Variants in RNASET2 observed in about 807,000 individuals in gnomAD.
RNASET2 encodes ribonuclease 6.
Under a neutral mutation model 33.9 loss-of-function variants are expected in RNASET2, and 28 were observed. The ratio of observed to expected loss-of-function variants is 0.83; its 90% CI spans 0.61 to 1.13. The LOEUF is 1.13. Among genes scored for constraint, RNASET2 ranks in the 50% most tolerant of loss-of-function variants. RNASET2 has a pLI of 0.00. For missense variants in RNASET2, 330 were observed against 319.9 expected (o/e 1.03, Z -0.24); for synonymous variants, 123 against 121.0 (o/e 1.02, Z -0.11).
Position 166,929,700 on chromosome 6 carries a change from G to T in RNASET2, c.659C>A (p.Pro220Gln), listed in dbSNP as rs751838276. 1 of 1,614,046 alleles carries T rather than the reference G, an allele frequency of 6.2e-7. No homozygotes were observed. The highest frequency in any genetic ancestry group is 1.1e-5 in the South Asian group (1 of 91,064). The change falls in exon 9 of 9, where the codon CCG (proline) becomes CAG (glutamine). Residue 220 changes from proline to glutamine, a missense_variant. Transcript: ENST00000508775. ...CAGCCAGACTTCCTGCTTGGGGGACGGCTGCTCCCCCGGCTCGGTGCAGTT... is the reference window on the plus strand; with the variant it reads ...CAGCCAGACTTCCTGCTTGGGGGACTGCTGCTCCCCCGGCTCGGTGCAGTT... ...LQNCTEPGEQ[P>Q]SPKQEVWLAN... is the part of the protein sequence containing the mutation.
At chr6:166,941,962 C>T (rs1394664626) in intron 5 of RNASET2, among the ~76,000 whole-genome samples, 1 of 152,032 alleles carries the variant, frequency 6.6e-6, no homozygotes, top group Non-Finnish European at 1.5e-5. Context: ...CTTAAAGGTG[C>T]TTCACTATGA....
intron 6 of RNASET2, chr6:166,938,665 C>T (rs1778623884): frequency 4.0e-6 from 3 of 751,594 alleles, no homozygotes; most frequent in Non-Finnish European, 5.0e-6. Context: ...CCCAGATGGG[C>T]ATCCCAATAC....
At chr6:166,936,194 T>G (rs1778561303) in intron 6 of RNASET2, among the ~76,000 whole-genome samples, 1 of 152,250 alleles carries the variant, frequency 6.6e-6, no homozygotes, top group African/African-American at 2.4e-5. Flanking sequence ...CTCTCAGTAG[T>G]GCTTTGCCCT....
In RNASET2 at chr6:166,944,797, C is replaced by T. The variant is rs1778788783; in HGVS notation, c.262-1708G>A. Among the ~76,000 whole-genome samples the T allele has an allele frequency of 2.0e-5, 3 of 152,100 alleles. No individual in the cohort carries two copies. The South Asian group carries it at 6.2e-4, about 31-fold the overall frequency. ...CCTGGGTTTCCGCCTTTCCCAGCTG[C>T]AGGCACACATGCCCCTTTCCACCTG... is the stretch of plus-strand genomic sequence containing the variant. On this transcript the variant is annotated intron_variant, in intron 4 of 8. Coordinates refer to ENST00000508775, the MANE Select transcript of RNASET2 (RefSeq NM_003730.6).
At chr6:166,949,776 G>C (rs879634988) in intron 2 of RNASET2, among the ~76,000 whole-genome samples, 2 of 152,140 alleles carry the variant, frequency 1.3e-5, no homozygotes, top group Non-Finnish European at 2.9e-5. Flanking sequence ...GCACCACACG[G>C]GGCTCTGAGG....
rs1001919911 is a variant in RNASET2, at chr6:166,925,707, C to T, written c.*3881G>A. Reference sequence around the variant, plus strand: ...AGGCCCTGGTCCCTGGGCGTGGAGGCGCAGAGCCACCCAGGACTGCAAAAG... The same window carrying T: ...AGGCCCTGGTCCCTGGGCGTGGAGGTGCAGAGCCACCCAGGACTGCAAAAG... On this transcript the variant is annotated 3_prime_UTR_variant, in exon 9 of 9. Transcript: ENST00000508775. Among the ~76,000 whole-genome samples, 5 of 152,156 alleles carry T rather than the reference C, an allele frequency of 3.3e-5. No individual in the cohort carries two copies. The highest frequency in any genetic ancestry group is 9.7e-5 in the African/African-American group (4 of 41,426).
intron 5 of RNASET2, among the ~76,000 whole-genome samples, chr6:166,941,067 A>C (rs147445117): frequency 6.6e-6 from 1 of 152,358 alleles, no homozygotes; most frequent in African/African-American, 2.4e-5. Context: ...TGGGTGACAC[A>C]GCCCAGACAG....
chr6:166,942,924 T>C (rs1314396347), intron 5 of RNASET2, 95 bp downstream of exon 5: 2 of 986,776 alleles, frequency 2.0e-6, no homozygotes, highest in African/African-American at 3.2e-5. Flanking sequence ...TTCTGTTATC[T>C]TGCTTCCCAC....
intron 3 of RNASET2, chr6:166,946,952 G>A (rs1180103672): frequency 3.2e-6 from 2 of 620,830 alleles, no homozygotes; most frequent in Non-Finnish European, 5.8e-6. Flanking sequence ...AAAAGAAATT[G>A]TGTTAAACCG....
At chr6:166,942,585 C>A (rs1467487260) in intron 5 of RNASET2, among the ~76,000 whole-genome samples, 1 of 152,064 alleles carries the variant, frequency 6.6e-6, no homozygotes, top group Non-Finnish European at 1.5e-5. Flanking sequence ...GGGACCACAG[C>A]CGCACAATAC....
At position 166,933,880 on chromosome 6, in the gene RNASET2, C is replaced by T. The variant is rs965566073; in HGVS notation, c.492+211G>A. ...CACAAAGGGAGCCATGAAATCTGTG[C>T]TTCCAAATCACTGGTCTAAGCAGCC... On this transcript the variant is annotated intron_variant, in intron 7 of 8. Transcript: ENST00000508775. The surrounding 1 kb of genome is among the most constrained non-coding windows in gnomAD (Gnocchi z 4.1). The T allele has an allele frequency of 1.5e-5, 9 of 597,322 alleles. No homozygotes were observed. Among genetic ancestry groups the T allele is most frequent in the Non-Finnish European group, 2.4e-5 (8 of 334,946 alleles). 37.0% of individuals were successfully genotyped at this position (597,322 alleles called of 1,614,324 possible). A position where few individuals can be genotyped will look rare whatever the true frequency, so the allele number is the denominator to read the frequency against.
At chr6:166,943,130 A>G in intron 4 of RNASET2, 41 bp from the exon 5 acceptor site, 1 of 1,467,282 alleles carries the variant, frequency 6.8e-7, no homozygotes, top group South Asian at 1.2e-5. Flanking sequence ...CAGGTTCTTA[A>G]TAATAAACTC....
rs1261114099 is a variant in RNASET2 at position 166,925,763 on chromosome 6, G to A, written c.*3825C>T. On this transcript the variant is annotated 3_prime_UTR_variant, in exon 9 of 9. Coordinates refer to ENST00000508775, the MANE Select transcript of RNASET2 (RefSeq NM_003730.6). ...TTAACGGCCAACCATGGAACTGGGT[G>A]TTGATATCCCATGGAACTTGCTAAA... 6.6e-6 allele frequency among the ~76,000 whole-genome samples: 1 copy of A among 152,266 alleles called. No homozygotes were observed. The highest frequency in any genetic ancestry group is 1.9e-4 in the East Asian group (1 of 5,202).
rs1462473495 is a variant in RNASET2, at chr6:166,955,391, A to ACG, written c.86+705_86+706insCG. 49 of 294,098 alleles carry ACG rather than the reference A, an allele frequency of 1.7e-4. 2 individuals are homozygous for ACG. In the African/African-American group the frequency reaches 2.0e-3, roughly 12 times the overall value. The allele number at this position is 294,098 out of a possible 1,614,324, so 18.2% of individuals were successfully genotyped here. A position where few individuals can be genotyped will look rare whatever the true frequency, so the allele number is the denominator to read the frequency against. ...CACACAAACGCACACGCACACACAC[A>ACG]CACGCGCACACACACACGCGCACAC... On this transcript the variant is annotated intron_variant, in intron 1 of 8. Transcript: ENST00000508775.
At chr6:166,949,500 C>CAAAAAAAAAAAAAAAAAAAAAAA (rs61621125) in intron 2 of RNASET2, among the ~76,000 whole-genome samples, 1 of 44,398 alleles carries the variant, frequency 2.3e-5, no homozygotes. Flanking sequence ...GACTCCATCT[C>CAAAAAAAAAAAAAAAAAAAAAAA]AAAAAAAAAA....
intron 3 of RNASET2, 75 bp downstream of exon 3, chr6:166,948,495 T>C: frequency 1.1e-6 from 1 of 880,372 alleles, no homozygotes; most frequent in Non-Finnish European, 2.0e-6. Flanking sequence ...GAATAAATAT[T>C]AAGACCACAT....
chr6:166,925,392 C>A lies in RNASET2; in HGVS notation c.*4196G>T, dbSNP rs1778289867. Among the ~76,000 whole-genome samples, 1 of 150,474 alleles carries A rather than the reference C, an allele frequency of 6.6e-6. No homozygotes were observed. Among genetic ancestry groups the A allele is most frequent in the African/African-American group, 2.4e-5 (1 of 40,992 alleles). The stretch of plus-strand genomic sequence containing the variant: ...TGCCACCCAGGCCTCATCTACACTG[C>A]CTAGCCCTCACCTCCCCTGTCCAGC... On this transcript the variant is annotated 3_prime_UTR_variant, in exon 9 of 9. Coordinates refer to ENST00000508775, the MANE Select transcript of RNASET2 (RefSeq NM_003730.6).
chr6:166,947,273 A>G (rs1462450557), intron 3 of RNASET2, among the ~76,000 whole-genome samples: 1 of 152,194 alleles, frequency 6.6e-6, no homozygotes, highest in African/African-American at 2.4e-5. Flanking sequence ...CATTTTCAGT[A>G]GCAAACGCAC....
intron 1 of RNASET2, among the ~76,000 whole-genome samples, chr6:166,954,040 T>C (rs1296781584): frequency 6.6e-6 from 1 of 152,104 alleles, no homozygotes; most frequent in Non-Finnish European, 1.5e-5. Context: ...ACAACAAAAC[T>C]ACCAAGACTC....
Sources: gnomAD v4.1 joint callset for allele counts (sites outside exome capture counted in the v4.1 genomes callset) on GRCh38, gnomAD v4.1.1 for gene constraint, Gnocchi (gnomAD v3.1) non-coding constraint, MANE v1.5 for transcripts, NCBI Gene and HGNC (gene_info 2026-07-23, HGNC 2026-07-21) for gene names.